RASGRF2: variants seen among roughly 807,000 people sequenced by gnomAD.
RASGRF2 encodes the protein ras-specific guanine nucleotide-releasing factor 2.
RASGRF2 carries 76 observed loss-of-function variants against 151.0 expected under a neutral mutation model. That is an observed-to-expected ratio of 0.50 (90% confidence interval 0.42 to 0.61). The LOEUF (loss-of-function observed/expected upper bound fraction) is 0.61. Ranked by LOEUF, RASGRF2 falls within the 20% of genes least tolerant of loss-of-function variation. RASGRF2 has a pLI of 0.00. For synonymous variants in RASGRF2, 504 were observed against 566.5 expected, an observed-to-expected ratio of 0.89 and a Z score of 1.57; for missense variants, 1,148 against 1,564.6, an observed-to-expected ratio of 0.73 and a Z score of 4.49.
At chr5:81,142,718 A>T (rs940801773) in intron 17 of RASGRF2, among the ~76,000 whole-genome samples, 1 of 152,206 alleles carries the variant, frequency 6.6e-6, no homozygotes, top group Non-Finnish European at 1.5e-5. Flanking sequence ...CCAGTGTGAA[A>T]TGAAAATGCA....
intron 25 of RASGRF2, among the ~76,000 whole-genome samples, chr5:81,219,075 CTTTT>C (rs201871275): frequency 2.3e-5 from 3 of 130,558 alleles, no homozygotes; most frequent in African/African-American, 5.6e-5. Flanking sequence ...CAGCCAGGTT[CTTTT>C]TTTTTTTTTT....
intron 17 of RASGRF2, among the ~76,000 whole-genome samples, chr5:81,129,066 G>A (rs1469788216): frequency 6.6e-6 from 1 of 152,176 alleles, no homozygotes; most frequent in Non-Finnish European, 1.5e-5. Flanking sequence ...TTGAACCTGG[G>A]AGGTAGAGTC....
At chr5:80,993,392 T>A (rs1189093510) in intron 1 of RASGRF2, among the ~76,000 whole-genome samples, 9 of 152,228 alleles carry the variant, frequency 5.9e-5, no homozygotes, top group Admixed American at 3.9e-4. Flanking sequence ...CAACTTTAAT[T>A]TCAGGGCAAG....
intron 1 of RASGRF2, among the ~76,000 whole-genome samples, chr5:81,012,110 A>G (rs1749481708): frequency 6.6e-6 from 1 of 152,220 alleles, no homozygotes; most frequent in African/African-American, 2.4e-5. Flanking sequence ...AACATCAGGA[A>G]AACTGCAAGA....
chr5:81,093,890 C>T (rs894007243), intron 10 of RASGRF2, among the ~76,000 whole-genome samples: 3 of 152,024 alleles, frequency 2.0e-5, no homozygotes, highest in African/African-American at 7.2e-5. Context: ...AAAAGTTTGC[C>T]TAGATAGGCA....
intron 2 of RASGRF2, among the ~76,000 whole-genome samples, chr5:81,067,596 T>C (rs1019929837): frequency 6.6e-6 from 1 of 152,216 alleles, no homozygotes; most frequent in Non-Finnish European, 1.5e-5. Flanking sequence ...TAATGGTCTC[T>C]GCATTCATTC....
At chr5:81,126,591 C>T (rs570725564) in intron 16 of RASGRF2, among the ~76,000 whole-genome samples, 1 of 152,246 alleles carries the variant, frequency 6.6e-6, no homozygotes, top group South Asian at 2.1e-4. Context: ...CCTAGGCAAC[C>T]ACTAATCTAC....
At chr5:80,978,811 G>A (rs1228929852) in intron 1 of RASGRF2, among the ~76,000 whole-genome samples, 1 of 151,876 alleles carries the variant, frequency 6.6e-6, no homozygotes, top group East Asian at 1.9e-4. Context: ...AAAAGGGGGG[G>A]AAACAAAACT....
intron 1 of RASGRF2, among the ~76,000 whole-genome samples, chr5:80,984,980 C>T (rs113577442): frequency 0.012 from 1,831 of 152,208 alleles, 18 homozygotes; most frequent in South Asian, 0.017. Flanking sequence ...GAGGCGAAGG[C>T]GAGTGGATCA....
chr5:81,182,438 G>A (rs191569955), intron 18 of RASGRF2, among the ~76,000 whole-genome samples: 1 of 152,286 alleles, frequency 6.6e-6, no homozygotes, highest in African/African-American at 2.4e-5. Context: ...ATGAGTACAC[G>A]ACCGTGTGCA....
chr5:81,145,996 C>A (rs1753996630), intron 17 of RASGRF2, among the ~76,000 whole-genome samples: 1 of 152,166 alleles, frequency 6.6e-6, no homozygotes, highest in African/African-American at 2.4e-5. Flanking sequence ...GAAAGAGAAG[C>A]ATTTCTGGGC....
At position 81,126,193 on chromosome 5, in the gene RASGRF2, C is replaced by T. The variant is rs73128823; in HGVS notation, c.2597-881C>T. Among the ~76,000 whole-genome samples the T allele has an allele frequency of 7.3e-3, 1,110 of 152,300 alleles. 15 individuals are homozygous for T. The highest frequency in any genetic ancestry group is 0.025 in the African/African-American group (1,034 of 41,568). On this transcript the variant is annotated intron_variant, in intron 16 of 26. Transcript: ENST00000265080. ...CGAGCTTGGCACCAGCACTGCCAAA[C>T]GCTGTGTGTACAGTCCGAGGAGTGA... is the stretch of plus-strand genomic sequence containing the variant.
rs968415336 is a variant in RASGRF2 at position 81,108,445 on chromosome 5, A to C, written c.1756-551A>C. On this transcript the variant is annotated intron_variant, in intron 12 of 26. Coordinates refer to ENST00000265080, the MANE Select transcript of RASGRF2 (RefSeq NM_006909.3). ...CCCTTCACCAAACAGCATTAGTATC[A>C]GTAGGGGCTGCCAGAGGTACTAGTA... 1.4e-4 allele frequency among the ~76,000 whole-genome samples: 21 copies of C among 152,246 alleles called. 1 individual carries two copies. Among genetic ancestry groups the C allele is most frequent in the African/African-American group, 5.1e-4 (21 of 41,466 alleles).
At chr5:81,025,061 G>A (rs1013590659) in intron 1 of RASGRF2, among the ~76,000 whole-genome samples, 4 of 152,204 alleles carry the variant, frequency 2.6e-5, no homozygotes, top group Non-Finnish European at 4.4e-5. Context: ...CTTTCAAGAA[G>A]CAGGACATGC....
At chr5:81,102,372 G>T (rs1402617774) in intron 12 of RASGRF2, among the ~76,000 whole-genome samples, 4 of 152,156 alleles carry the variant, frequency 2.6e-5, no homozygotes, top group Non-Finnish European at 4.4e-5. Flanking sequence ...CTTTGTTTTG[G>T]GTTCTGAATT....
chr5:81,038,901 A>T (rs1042349375), intron 1 of RASGRF2, among the ~76,000 whole-genome samples: 2 of 152,066 alleles, frequency 1.3e-5, no homozygotes, highest in African/African-American at 4.8e-5. Flanking sequence ...AATTTTTTTC[A>T]GTAAAATGTG....
intron 16 of RASGRF2, among the ~76,000 whole-genome samples, chr5:81,125,224 A>G (rs27781): frequency 0.39 from 59,482 of 151,990 alleles, 12,743 homozygotes; most frequent in African/African-American, 0.56. Flanking sequence ...CATGCTTCAA[A>G]TAGGGCATTT....
At chr5:81,050,847 G>A (rs529298856) in intron 2 of RASGRF2, among the ~76,000 whole-genome samples, 1 of 152,224 alleles carries the variant, frequency 6.6e-6, no homozygotes, top group South Asian at 2.1e-4. Context: ...AGCAAATTGT[G>A]TACTACTCAT....
chr5:81,222,417 CTTCT>C (rs546111414), intron 26 of RASGRF2, among the ~76,000 whole-genome samples: 70 of 152,240 alleles, frequency 4.6e-4, no homozygotes, highest in African/African-American at 1.6e-3. Flanking sequence ...TATGTTCTTC[CTTCT>C]GTCTGGAGTG....
Sources: allele counts gnomAD v4.1 joint callset (sites outside exome capture counted in the v4.1 genomes callset), GRCh38; gene constraint gnomAD v4.1.1; transcripts MANE v1.5; gene names NCBI Gene and HGNC (gene_info 2026-07-23, HGNC 2026-07-21).